Variants in NFIB observed in about 807,000 individuals in gnomAD.
NFIB encodes nuclear factor I B, also known as nuclear factor 1 B-type.
Under a neutral mutation model 61.5 loss-of-function variants are expected in NFIB, and 11 were observed. That is an observed-to-expected ratio of 0.18 (90% CI 0.11 to 0.30). NFIB has a LOEUF of 0.30. Ranked by LOEUF, NFIB falls within the 10% of genes least tolerant of loss-of-function variation. The pLI is 1.00. For missense variants in NFIB, 471 were observed against 608.9 expected, an observed-to-expected ratio of 0.77 and a Z score of 2.38; for synonymous variants, 260 against 216.5, an observed-to-expected ratio of 1.20 and a Z score of -1.76.
intron 1 of NFIB, among the ~76,000 whole-genome samples, chr9:14,323,820 C>CA (rs995308848): frequency 2.0e-5 from 3 of 151,860 alleles, no homozygotes; most frequent in Non-Finnish European, 4.4e-5. Context: ...GCCTTATTAC[C>CA]AAAAAAAAGT....
upstream of NFIB, among the ~76,000 whole-genome samples, chr9:14,317,657 G>T (rs2060572244): frequency 6.6e-6 from 1 of 152,214 alleles, no homozygotes; most frequent in African/African-American, 2.4e-5. Context: ...CAGCCATGTG[G>T]AGAATGGCTG....
At chr9:14,430,718 A>G in the NFIB span, among the ~76,000 whole-genome samples, 1 of 152,070 alleles carries the variant, frequency 6.6e-6, no homozygotes. Context: ...AGTAGCTGGG[A>G]TGACAGGCAC....
intron 6 of NFIB, among the ~76,000 whole-genome samples, chr9:14,126,152 G>T (rs1212990967): frequency 1.3e-5 from 2 of 152,132 alleles, no homozygotes; most frequent in African/African-American, 4.8e-5. Context: ...TGCTGCAAAT[G>T]GGAAAAACAA....
At chr9:14,437,199 T>C in the NFIB span, among the ~76,000 whole-genome samples, 1 of 152,198 alleles carries the variant, frequency 6.6e-6, no homozygotes, top group Non-Finnish European at 1.5e-5. Flanking sequence ...ACATTTAATA[T>C]AGGGAAATAC....
intron 2 of NFIB, among the ~76,000 whole-genome samples, chr9:14,268,985 C>T (rs1200301411): frequency 6.6e-6 from 1 of 152,218 alleles, no homozygotes; most frequent in Non-Finnish European, 1.5e-5. Context: ...CCACTTACCA[C>T]TAACTGTGCC....
intron 1 of NFIB, among the ~76,000 whole-genome samples, chr9:14,310,376 T>C (rs889828686): frequency 6.6e-6 from 1 of 152,164 alleles, no homozygotes; most frequent in African/African-American, 2.4e-5. Flanking sequence ...AGGGGACATA[T>C]CCTCCAAAAA....
intron 2 of NFIB, among the ~76,000 whole-genome samples, chr9:14,231,130 AAAAAAATATATATAT>A (rs1195093899): frequency 1.6e-4 from 15 of 94,376 alleles, no homozygotes; most frequent in African/African-American, 6.1e-4. Flanking sequence ...GAAAAAAAAA[AAAAAAATATATATAT>A]ATATATATAT....
intron 2 of NFIB, among the ~76,000 whole-genome samples, chr9:14,191,684 C>G (rs1265080302): frequency 1.4e-5 from 2 of 148,034 alleles, no homozygotes; most frequent in Admixed American, 6.7e-5. Flanking sequence ...TGCCTTAACC[C>G]TGAATGATAT....
At chr9:14,441,910 C>T in the NFIB span, among the ~76,000 whole-genome samples, 1 of 152,210 alleles carries the variant, frequency 6.6e-6, no homozygotes, top group Non-Finnish European at 1.5e-5. Context: ...ATTACAAGGG[C>T]TTCTCTGCTC....
At chr9:14,352,628 C>T (rs1470849164) in intron 1 of NFIB, among the ~76,000 whole-genome samples, 3 of 152,332 alleles carry the variant, frequency 2.0e-5, no homozygotes, top group Non-Finnish European at 4.4e-5. Flanking sequence ...CTCTGTCACC[C>T]GGGCCCTCAG....
rs188289964 is a variant in NFIB at position 14,278,581 on chromosome 9, A to G, written c.562+28408T>C. On this transcript the variant is annotated intron_variant, in intron 2 of 10. Transcript: ENST00000380953. ...GAGCCCCTGAGTGAGCGGAGCCTAG[A>G]ATGTTTGGGTTTGGAGGTTAGTGAG... Among the ~76,000 whole-genome samples the G allele has an allele frequency of 1.1e-3, 174 of 152,320 alleles. 1 individual carries two copies. Among genetic ancestry groups the G allele is most frequent in the African/African-American group, 4.0e-3 (167 of 41,566 alleles).
At chr9:14,479,532 C>T in the NFIB span, among the ~76,000 whole-genome samples, 11 of 152,180 alleles carry the variant, frequency 7.2e-5, no homozygotes, top group Non-Finnish European at 1.5e-4. Flanking sequence ...CAGTTCCTTG[C>T]ACATGTTGGC....
chr9:14,512,656 T>C, the NFIB span, among the ~76,000 whole-genome samples: 1 of 151,574 alleles, frequency 6.6e-6, no homozygotes, highest in African/African-American at 2.4e-5. Context: ...GTTCAATTTA[T>C]CAATATTTCA....
At chr9:14,195,240 G>A (rs1435397604) in intron 2 of NFIB, among the ~76,000 whole-genome samples, 1 of 152,134 alleles carries the variant, frequency 6.6e-6, no homozygotes. Flanking sequence ...AGATGGCAAG[G>A]TTTGATGTTA....
chr9:14,317,254 A>G (rs2132796750), upstream of NFIB: 1 of 152,356 alleles, frequency 6.6e-6, no homozygotes, highest in South Asian at 2.1e-4. Flanking sequence ...CACAAGCTTA[A>G]AAAAGAAAAA....
chr9:14,526,667 T>C, the NFIB span, among the ~76,000 whole-genome samples: 1 of 152,186 alleles, frequency 6.6e-6, no homozygotes, highest in East Asian at 1.9e-4. Context: ...GCATAGAAAA[T>C]AACAATCTCG....
At chr9:14,498,801 TCCTC>T in the NFIB span, among the ~76,000 whole-genome samples, 191 of 45,654 alleles carry the variant, frequency 4.2e-3, 2 homozygotes, top group African/African-American at 0.021. Flanking sequence ...CTCCCTCCCT[TCCTC>T]CCTTCCTCCC....
intron 2 of NFIB, among the ~76,000 whole-genome samples, chr9:14,262,686 A>C (rs988145849): frequency 6.6e-6 from 1 of 152,178 alleles, no homozygotes; most frequent in African/African-American, 2.4e-5. Flanking sequence ...ACTGTTGACA[A>C]TCCTAACTTA....
At chr9:14,250,688 C>A (rs1204715155) in intron 2 of NFIB, among the ~76,000 whole-genome samples, 1 of 152,156 alleles carries the variant, frequency 6.6e-6, no homozygotes, top group African/African-American at 2.4e-5. Flanking sequence ...AAATTCATCA[C>A]CGGGATTACA....
Sources: allele counts gnomAD v4.1 joint callset (sites outside exome capture counted in the v4.1 genomes callset), GRCh38; gene constraint gnomAD v4.1.1; transcripts MANE v1.5; gene names NCBI Gene and HGNC (gene_info 2026-07-23, HGNC 2026-07-21).